Variants in PKIB observed in about 807,000 individuals in gnomAD.
The protein encoded by PKIB is cAMP-dependent protein kinase inhibitor beta, also known as PKI-beta.
Under a neutral mutation model 4.5 loss-of-function variants are expected in PKIB, and 2 were observed. That is an observed-to-expected ratio of 0.44 (90% confidence interval 0.18 to 1.39). The LOEUF is 1.39. Among genes scored for constraint, PKIB ranks in the 40% most tolerant of loss-of-function variants. The pLI is 0.27. For missense variants in PKIB, 94 were observed against 92.6 expected, an observed-to-expected ratio of 1.02 and a Z score of -0.06; for synonymous variants, 38 against 36.0, an observed-to-expected ratio of 1.06 and a Z score of -0.20.
intron 2 of PKIB, among the ~76,000 whole-genome samples, chr6:122,511,207 T>A (rs545075220): frequency 6.6e-6 from 1 of 152,186 alleles, no homozygotes; most frequent in African/African-American, 2.4e-5. Flanking sequence ...ATTTGTTTTT[T>A]AAGGTCCTCT....
At chr6:122,618,892 A>G (rs1340148855) in intron 1 of PKIB, among the ~76,000 whole-genome samples, 1 of 152,130 alleles carries the variant, frequency 6.6e-6, no homozygotes, top group African/African-American at 2.4e-5. Context: ...TATTTTACAA[A>G]ATATCTTCAG....
At chr6:122,690,934 T>TATATATATATATA (rs1485299018) in intron 3 of PKIB, among the ~76,000 whole-genome samples, 3 of 119,570 alleles carry the variant, frequency 2.5e-5, no homozygotes, top group African/African-American at 6.3e-5. Context: ...ATATATATAT[T>TATATATATATATA]TTTTTTTTTT....
intron 3 of PKIB, among the ~76,000 whole-genome samples, chr6:122,600,336 G>A (rs764949353): frequency 6.6e-6 from 1 of 152,124 alleles, no homozygotes; most frequent in African/African-American, 2.4e-5. Context: ...TGACTCAACT[G>A]TTAATCTCTT....
chr6:122,620,403 A>C (rs1775176187), intron 1 of PKIB, among the ~76,000 whole-genome samples: 1 of 152,224 alleles, frequency 6.6e-6, no homozygotes, highest in Non-Finnish European at 1.5e-5. Context: ...AAGTATATAG[A>C]GCCGAAAAGC....
chr6:122,725,029 T>C, intron 4 of PKIB, 99 bp from the exon 5 acceptor site: 2 of 919,898 alleles, frequency 2.2e-6, no homozygotes, highest in Non-Finnish European at 3.3e-6. Flanking sequence ...GAGGGCAAAA[T>C]ATGGACGGTG....
At chr6:122,715,560 G>A (rs961965536) in intron 3 of PKIB, among the ~76,000 whole-genome samples, 2 of 151,622 alleles carry the variant, frequency 1.3e-5, no homozygotes, top group African/African-American at 4.8e-5. Context: ...GAAGAACACT[G>A]TGAAAAGACA....
chr6:122,640,267 C>T (rs1776073578), intron 2 of PKIB, among the ~76,000 whole-genome samples: 1 of 152,136 alleles, frequency 6.6e-6, no homozygotes, highest in Non-Finnish European at 1.5e-5. Context: ...AAAAGATCCT[C>T]TCTTCTTATT....
intron 2 of PKIB, among the ~76,000 whole-genome samples, chr6:122,499,545 T>C (rs1459599309): frequency 6.6e-6 from 1 of 152,118 alleles, no homozygotes; most frequent in Non-Finnish European, 1.5e-5. Flanking sequence ...AAACTAGTCA[T>C]CAAAGAAACA....
At chr6:122,587,755 A>C (rs953597525) in intron 3 of PKIB, among the ~76,000 whole-genome samples, 3 of 152,122 alleles carry the variant, frequency 2.0e-5, no homozygotes, top group African/African-American at 7.2e-5. Flanking sequence ...TGTGGTTTTG[A>C]TTTGCATTTC....
chr6:122,500,510 G>C (rs1478380075), intron 2 of PKIB, among the ~76,000 whole-genome samples: 2 of 152,080 alleles, frequency 1.3e-5, no homozygotes, highest in South Asian at 2.1e-4. Context: ...CCTTTATGCT[G>C]TGCAGCTAGG....
intron 2 of PKIB, among the ~76,000 whole-genome samples, chr6:122,528,393 A>C (rs1242734886): frequency 6.6e-6 from 1 of 152,162 alleles, no homozygotes; most frequent in Non-Finnish European, 1.5e-5. Flanking sequence ...CAGGCTGATA[A>C]AACAAAATAC....
chr6:122,489,185 G>A (rs1775864972), intron 2 of PKIB, among the ~76,000 whole-genome samples: 1 of 151,386 alleles, frequency 6.6e-6, no homozygotes, highest in African/African-American at 2.4e-5. Context: ...TTTTAAAGAA[G>A]GGGGAAAAAT....
chr6:122,481,283 T>C (rs923512783), intron 2 of PKIB: 1 of 152,238 alleles, frequency 6.6e-6, no homozygotes. Flanking sequence ...AGGGACATTA[T>C]GCAACATAAA....
At chr6:122,472,073 C>T in intron 1 of PKIB, 1 of 378,608 alleles carries the variant, frequency 2.6e-6, no homozygotes. Context: ...ACCTACCATG[C>T]ACTTGCATTT....
At chr6:122,701,606 G>A (rs781200599) in intron 3 of PKIB, 6 of 1,357,600 alleles carry the variant, frequency 4.4e-6, no homozygotes, top group Non-Finnish European at 6.1e-6. Context: ...TCAGCAGTTA[G>A]CAGTTCTGTC....
intron 2 of PKIB, among the ~76,000 whole-genome samples, chr6:122,500,930 C>G (rs144411017): frequency 1.3e-5 from 2 of 152,040 alleles, no homozygotes; most frequent in Non-Finnish European, 2.9e-5. Flanking sequence ...TTTAAACAAC[C>G]AGATTTTGTG....
intron 2 of PKIB, among the ~76,000 whole-genome samples, chr6:122,489,829 C>G (rs571972224): frequency 1.1e-4 from 17 of 152,216 alleles, no homozygotes; most frequent in African/African-American, 3.6e-4. Context: ...TACTAACGGT[C>G]ACAAAAAAGG....
At chr6:122,481,115 G>A (rs1775598541) in intron 2 of PKIB, 1 of 152,150 alleles carries the variant, frequency 6.6e-6, no homozygotes, top group Non-Finnish European at 1.5e-5. Flanking sequence ...TTATCCAAAA[G>A]ATCAAAGTTT....
intron 2 of PKIB, among the ~76,000 whole-genome samples, chr6:122,513,646 T>C (rs2114585529): frequency 6.6e-6 from 1 of 152,198 alleles, no homozygotes; most frequent in African/African-American, 2.4e-5. Flanking sequence ...CCCTGTCTAG[T>C]AGTTCACAGT....
Sources: gnomAD v4.1 joint callset for allele counts (sites outside exome capture counted in the v4.1 genomes callset) on GRCh38, gnomAD v4.1.1 for gene constraint, MANE v1.5 for transcripts, NCBI Gene and HGNC (gene_info 2026-07-23, HGNC 2026-07-21) for gene names.